The following MCPH1 variants were observed in gnomAD, a reference collection of about 807,000 sequenced individuals.
MCPH1 encodes microcephalin.
In MCPH1, 104 loss-of-function variants were observed where a neutral mutation model predicts 84.5. The observed-to-expected ratio is 1.23, with a 90% confidence interval of 1.05 to 1.45. The LOEUF (loss-of-function observed/expected upper bound fraction) is 1.45, where lower values mean the gene tolerates loss of function less well. MCPH1 is among the 40% of genes most tolerant of loss of function. The probability of loss-of-function intolerance (pLI) is 0.00; values close to 1 mark genes in which losing one functional copy is unlikely to be tolerated. For missense variants in MCPH1, 1,498 were observed against 1,005.7 expected (o/e 1.49, Z -6.62); for synonymous variants, 514 against 366.8 (o/e 1.40, Z -4.58).
intron 12 of MCPH1, among the ~76,000 whole-genome samples, chr8:6,504,650 C>T (rs1812912890): frequency 6.6e-6 from 1 of 152,038 alleles, no homozygotes; most frequent in Non-Finnish European, 1.5e-5. Context: ...GGTGAAAGTT[C>T]CTGACTTAAT....
At chr8:6,588,393 C>T (rs1250923648) in intron 12 of MCPH1, among the ~76,000 whole-genome samples, 1 of 151,422 alleles carries the variant, frequency 6.6e-6, no homozygotes, top group Non-Finnish European at 1.5e-5. Flanking sequence ...GAAAATTGTG[C>T]TTAGGAGAAT....
intron 12 of MCPH1, among the ~76,000 whole-genome samples, chr8:6,605,138 G>A (rs1434125663): frequency 6.6e-6 from 1 of 152,096 alleles, no homozygotes; most frequent in Non-Finnish European, 1.5e-5. Flanking sequence ...CCAGAAAGAG[G>A]CCAGGTCTCC....
chr8:6,562,503 G>A (rs1825683644), intron 12 of MCPH1: 1 of 634,752 alleles, frequency 1.6e-6, no homozygotes, highest in Non-Finnish European at 2.4e-6. Flanking sequence ...TCTTTCATTT[G>A]AGGGTACCAG....
At chr8:6,438,618 C>T (rs1048215144) in intron 5 of MCPH1, among the ~76,000 whole-genome samples, 2 of 152,184 alleles carry the variant, frequency 1.3e-5, no homozygotes, top group African/African-American at 4.8e-5. Context: ...AATTGCATTC[C>T]AGCTTTACAA....
intron 8 of MCPH1, among the ~76,000 whole-genome samples, chr8:6,454,131 G>A (rs1204678043): frequency 2.0e-5 from 3 of 152,140 alleles, no homozygotes; most frequent in African/African-American, 7.2e-5. Flanking sequence ...CATGTTATAT[G>A]ATTTTTAATC....
chr8:6,420,993 C>G (rs1800112997), intron 3 of MCPH1, among the ~76,000 whole-genome samples: 1 of 152,124 alleles, frequency 6.6e-6, no homozygotes, highest in Admixed American at 6.5e-5. Flanking sequence ...GCATGGAGGT[C>G]TAATTTGATG....
chr8:6,509,093 G>A (rs1045262552), intron 12 of MCPH1: 1 of 1,603,876 alleles, frequency 6.2e-7, no homozygotes, highest in South Asian at 1.1e-5. Context: ...AAAACACATT[G>A]GCTAGGGTCA....
At position 6,503,373 on chromosome 8, in the gene MCPH1, C is replaced by G. The variant is rs773181413; in HGVS notation, c.2214+3444C>G. On this transcript the variant is annotated intron_variant, in intron 12 of 13. Transcript: ENST00000344683. Reference sequence around the variant, plus strand: ...GCACACTGCAGGCGTGTGGAGTAGGCACATGCAGATGATGGTGAGTATAGG... The same window carrying G: ...GCACACTGCAGGCGTGTGGAGTAGGGACATGCAGATGATGGTGAGTATAGG... 44 of 1,071,872 alleles carry G rather than the reference C, an allele frequency of 4.1e-5. 1 individual carries two copies. The highest frequency in any genetic ancestry group is 5.7e-5 in the Non-Finnish European group (41 of 720,764). The allele number at this position is 1,071,872 out of a possible 1,614,324, so 66.4% of individuals were successfully genotyped here.
rs1017796365 is a variant in MCPH1, at chr8:6,611,764, G to A, written c.2215-9690G>A. Among the ~76,000 whole-genome samples the A allele has an allele frequency of 2.6e-5, 4 of 152,122 alleles. 1 individual carries two copies. The highest frequency in any genetic ancestry group is 2.6e-4 in the Admixed American group (4 of 15,274). ...CTCCCCAGTAGCTGGGACTACAGGCGTCCGCCACCACGCCCGGCTAATTTT... is the reference window on the plus strand; with the variant it reads ...CTCCCCAGTAGCTGGGACTACAGGCATCCGCCACCACGCCCGGCTAATTTT... On this transcript the variant is annotated intron_variant, in intron 12 of 13. Transcript: ENST00000344683.
chr8:6,575,323 G>A (rs759351494), intron 12 of MCPH1, among the ~76,000 whole-genome samples: 4 of 152,182 alleles, frequency 2.6e-5, no homozygotes, highest in Non-Finnish European at 4.4e-5. Context: ...GGTTTTTCTA[G>A]ACAAAGTTAA....
chr8:6,418,949 G>A (rs919706818), intron 3 of MCPH1, among the ~76,000 whole-genome samples: 13 of 151,952 alleles, frequency 8.6e-5, no homozygotes, highest in African/African-American at 2.4e-4. Flanking sequence ...GTTCTGGCTT[G>A]GCCTTTTCAA....
intron 13 of MCPH1, among the ~76,000 whole-genome samples, chr8:6,632,440 C>T (rs1020512335): frequency 9.2e-5 from 14 of 152,128 alleles, no homozygotes; most frequent in African/African-American, 3.4e-4. Flanking sequence ...AAAAAGAAAT[C>T]TATTCACCTC....
chr8:6,594,591 C>A (rs1038605363), intron 12 of MCPH1, among the ~76,000 whole-genome samples: 1 of 152,212 alleles, frequency 6.6e-6, no homozygotes, highest in Admixed American at 6.5e-5. Flanking sequence ...AGCCTGCTCG[C>A]ATCAGGCCAG....
intron 12 of MCPH1, chr8:6,562,571 T>TTTTTTTTTTTTTTTTTTTTTTTTTAAAA: frequency 2.4e-6 from 1 of 417,078 alleles, no homozygotes; most frequent in Admixed American, 3.8e-5. Flanking sequence ...TTTTTTTTTT[T>TTTTTTTTTTTTTTTTTTTTTTTTTAAAA]GGTTGTTAAA....
At chr8:6,500,766 A>T (rs1812014305) in intron 12 of MCPH1, 1 of 152,252 alleles carries the variant, frequency 6.6e-6, no homozygotes, top group African/African-American at 2.4e-5. Context: ...AATACCGTGT[A>T]AGGAATTGAA....
intron 11 of MCPH1, among the ~76,000 whole-genome samples, chr8:6,484,999 C>T (rs989452534): frequency 1.3e-5 from 2 of 152,168 alleles, no homozygotes; most frequent in African/African-American, 2.4e-5. Context: ...TATGCACACA[C>T]GAGTAAATCT....
chr8:6,530,397 T>C (rs770185450), intron 12 of MCPH1, among the ~76,000 whole-genome samples: 2 of 150,800 alleles, frequency 1.3e-5, no homozygotes, highest in Non-Finnish European at 2.9e-5. Flanking sequence ...TAATCCCAGC[T>C]ACGCGGGAGG....
intron 11 of MCPH1, among the ~76,000 whole-genome samples, chr8:6,488,906 G>C (rs1220644888): frequency 7.9e-5 from 12 of 152,080 alleles, no homozygotes; most frequent in South Asian, 4.2e-4. Flanking sequence ...TAGGTGGAGA[G>C]GAGAGAGCAG....
intron 9 of MCPH1, among the ~76,000 whole-genome samples, chr8:6,468,486 C>T (rs977764960): frequency 6.6e-6 from 1 of 152,154 alleles, no homozygotes; most frequent in Non-Finnish European, 1.5e-5. Flanking sequence ...GCGACTTCCA[C>T]AAGGAGCAAG....
Sources: allele counts gnomAD v4.1 joint callset (sites outside exome capture counted in the v4.1 genomes callset), GRCh38; gene constraint gnomAD v4.1.1; transcripts MANE v1.5; gene names NCBI Gene and HGNC (gene_info 2026-07-23, HGNC 2026-07-21).